The following PODN variants were observed in gnomAD, a reference collection of about 807,000 sequenced individuals.
PODN encodes podocan proteoglycan.
PODN carries 40 observed loss-of-function variants against 52.7 expected under a neutral mutation model. The observed-to-expected ratio is 0.76, with a 90% CI of 0.59 to 0.99. PODN has a LOEUF of 0.99. PODN is among the 50% of genes least tolerant of loss of function. The pLI is 0.00. For missense variants in PODN, 720 were observed against 815.1 expected (o/e 0.88, Z 1.42); for synonymous variants, 396 against 377.9 (o/e 1.05, Z -0.56).
intron 1 of PODN, 140 bp from the exon 2 acceptor site, chr1:53,069,661 T>C (rs1366117042): frequency 9.5e-6 from 12 of 1,257,086 alleles, no homozygotes; most frequent in Non-Finnish European, 1.2e-5. Context: ...GGCAGCCTGG[T>C]GGGGGTTGGG....
In PODN at chr1:53,082,013, A is replaced by G. The variant is rs1206675977; in HGVS notation, c.1694A>G (p.Asp565Gly). 4 of 1,612,480 alleles carry G rather than the reference A, an allele frequency of 2.5e-6. No individual in the cohort carries two copies. The highest frequency in any genetic ancestry group is 3.4e-6 in the Non-Finnish European group (4 of 1,179,288). The change falls in exon 10 of 11, where the codon GAC becomes GGC. Residue 565 changes from aspartate (D) to glycine (G), a missense_variant. Coordinates refer to ENST00000312553, the MANE Select transcript of PODN (RefSeq NM_153703.5). ...AAGCTGGCTGTGGGCTCCGTGGTGG[A>G]CAGTGCCTTCCGGAGGCTGAAGCAC... ...FNKLAVGSVV[D>G]SAFRRLKHLQ...
At chr1:53,067,244 C>T (rs1179932138) in intron 1 of PODN, among the ~76,000 whole-genome samples, 1 of 152,044 alleles carries the variant, frequency 6.6e-6, no homozygotes, top group African/African-American at 2.4e-5. Flanking sequence ...ACCTGAGTCT[C>T]CATCAACCAT....
chr1:53,071,735 T>G, intron 3 of PODN, 107 bp downstream of exon 3: 1 of 1,149,012 alleles, frequency 8.7e-7, no homozygotes, highest in Non-Finnish European at 1.2e-6. Context: ...GATCTTGGGG[T>G]GTGGATGGAA....
intron 1 of PODN, among the ~76,000 whole-genome samples, chr1:53,063,809 A>G (rs80083500): frequency 0.018 from 2,814 of 152,260 alleles, 98 homozygotes; most frequent in African/African-American, 0.064. Flanking sequence ...GTGTAGTCAT[A>G]CATGCGAGTG....
intron 8 of PODN, among the ~76,000 whole-genome samples, chr1:53,079,627 G>C (rs1286584531): frequency 1.3e-5 from 2 of 152,160 alleles, no homozygotes; most frequent in African/African-American, 2.4e-5. Flanking sequence ...GTGACCACAT[G>C]GTCAGAATTA....
rs1572274117 is a variant in PODN, at chr1:53,078,588, C to T, written c.1078C>T (p.Arg360Trp). 6.2e-6 allele frequency: 10 copies of T among 1,613,068 alleles called. No homozygotes were observed. The highest frequency in any genetic ancestry group is 2.2e-5 in the East Asian group (1 of 44,886). ...CCCACTGGCCTTCCAGGGCCTCAAG[C>T]GGTTGCACACGGTGCACCTGTACAA... is the stretch of plus-strand genomic sequence containing the variant. ...IHPLAFQGLK[R>W]LHTVHLYNNA... is the part of the protein sequence containing the mutation. The change falls in exon 8 of 11, where the codon CGG becomes TGG. Residue 360 changes from arginine to tryptophan, a missense_variant. Coordinates refer to ENST00000312553, the MANE Select transcript of PODN (RefSeq NM_153703.5).
At chr1:53,068,096 T>C (rs74082414) in intron 1 of PODN, among the ~76,000 whole-genome samples, 14,142 of 152,026 alleles carry the variant, frequency 0.093, 1,070 homozygotes, top group African/African-American at 0.21. Context: ...CTATGTGCAG[T>C]ACATGCATTT....
chr1:53,064,816 G>A (rs983545910), intron 1 of PODN, among the ~76,000 whole-genome samples: 8 of 152,206 alleles, frequency 5.3e-5, no homozygotes, highest in Non-Finnish European at 1.0e-4. Flanking sequence ...ACAGAGGCTC[G>A]GAGCAGTAAA....
At position 53,077,778 on chromosome 1, in the gene PODN, G is replaced by T. The variant is rs749720932; in HGVS notation, c.832G>T (p.Gly278Cys). The change falls in exon 7 of 11, where the codon GGC becomes TGC. Residue 278 changes from glycine to cysteine, a missense_variant. Transcript: ENST00000312553. Reference sequence around the variant, plus strand: ...GCAGAACAACTACCTGACTGACGAGGGCCTGGACAACGAGACCTTCTGGTG... The same window carrying T: ...GCAGAACAACTACCTGACTGACGAGTGCCTGGACAACGAGACCTTCTGGTG... The part of the protein sequence containing the change: ...YLQNNYLTDE[G>C]LDNETFWKLS... 3 of 1,613,202 alleles carry T rather than the reference G, an allele frequency of 1.9e-6. No homozygotes were observed. The African/African-American group carries it at 4.0e-5, about 22-fold the overall frequency.
At chr1:53,080,927 C>G (rs765549729) in intron 9 of PODN, 51 bp downstream of exon 9, 1 of 1,600,728 alleles carries the variant, frequency 6.2e-7, no homozygotes. Flanking sequence ...CCCACCCTGG[C>G]TCCAACGGGA....
rs745468596 is a variant in PODN, at chr1:53,077,818, CAG to C, written c.854+19_854+20del. 6.2e-7 allele frequency: 1 copy of C among 1,608,560 alleles called. No homozygotes were observed. The highest frequency in any genetic ancestry group is 8.5e-7 in the Non-Finnish European group (1 of 1,176,584). ...ACCTTCTGGTGAGTCCTTGTCTCAC[CAG>C]GTCCTTGGCGTGACCACGGGGCCCG... is the stretch of plus-strand genomic sequence containing the variant. On this transcript the variant is annotated intron_variant, in intron 7 of 10. Transcript: ENST00000312553.
chr1:53,063,645 T>C lies in PODN; in HGVS notation c.-56+1337T>C, dbSNP rs890867550. 3.3e-6 allele frequency: 3 copies of C among 917,046 alleles called. No individual in the cohort carries two copies. The Admixed American group carries it at 1.9e-4, about 57-fold the overall frequency. 56.8% of individuals were successfully genotyped at this position (917,046 alleles called of 1,614,324 possible). ...GGGTTCTGCTCCCTCATGTCCACTCTTAGGGCCCAAGACCCAGTCTACTCT... is the reference window on the plus strand; with the variant it reads ...GGGTTCTGCTCCCTCATGTCCACTCCTAGGGCCCAAGACCCAGTCTACTCT... On this transcript the variant is annotated intron_variant, in intron 1 of 10. Transcript: ENST00000312553.
intron 1 of PODN, chr1:53,066,896 G>A (rs1644040993): frequency 6.5e-7 from 1 of 1,540,660 alleles, no homozygotes; most frequent in Non-Finnish European, 8.8e-7. Context: ...TGAGACCAGA[G>A]CTCCTTCCCC....
rs577667967 is a variant in PODN, at chr1:53,078,474, C to T, written c.964C>T (p.Arg322Trp). The T allele has an allele frequency of 5.1e-5, 83 of 1,613,396 alleles. No homozygotes were observed. The highest frequency in any genetic ancestry group is 1.6e-4 in the Middle Eastern group (1 of 6,062). The change falls in exon 8 of 11, where the codon CGG (arginine) becomes TGG (tryptophan). Residue 322 changes from arginine to tryptophan, a missense_variant. Transcript: ENST00000312553. ...VLLHLEKNAI[R>W]SVDANVLTPI... ...GCTGCACTTGGAGAAGAACGCCATC[C>T]GGAGCGTGGACGCGAATGTGCTGAC...
intron 8 of PODN, among the ~76,000 whole-genome samples, chr1:53,080,183 G>A (rs1293021029): frequency 6.6e-6 from 1 of 152,178 alleles, no homozygotes; most frequent in Non-Finnish European, 1.5e-5. Flanking sequence ...CCTGGCTGTT[G>A]TGCTGGGGTC....
In PODN at chr1:53,078,658, G is replaced by A. The variant is rs1044638735; in HGVS notation, c.1148G>A (p.Arg383His). ...CCCAGTGGCCTGCCTCGCCGCGTGC[G>A]CACCCTCATGATCCTGCACAACCAG... The part of the protein sequence containing the change: ...RVPSGLPRRV[R>H]TLMILHNQIT... Residue 383 changes from arginine (R) to histidine (H), a missense_variant, in exon 8 of 11, where the codon CGC (arginine) becomes CAC (histidine). Arg to His is a conservative substitution (Grantham distance 29). Coordinates refer to ENST00000312553, the MANE Select transcript of PODN (RefSeq NM_153703.5). 13 of 1,612,956 alleles carry A rather than the reference G, an allele frequency of 8.1e-6. No homozygotes were observed. The highest frequency in any genetic ancestry group is 1.1e-5 in the South Asian group (1 of 91,086).
chr1:53,077,744 G>A lies in PODN; in HGVS notation c.798G>A (p.Glu266=). Residue 266 remains glutamate, a synonymous_variant, in exon 7 of 11, where the codon GAG becomes GAA. Coordinates refer to ENST00000312553, the MANE Select transcript of PODN (RefSeq NM_153703.5). The part of the protein sequence containing the change: ...GAFSELSSLR[E]LYLQNNYLTD... ...TCAGCGAGCTGAGCAGCCTGCGCGAGCTATACCTGCAGAACAACTACCTGA... is the reference window on the plus strand; with the variant it reads ...TCAGCGAGCTGAGCAGCCTGCGCGAACTATACCTGCAGAACAACTACCTGA... 1.2e-6 allele frequency: 2 copies of A among 1,613,794 alleles called. No homozygotes were observed. Among genetic ancestry groups the A allele is most frequent in the South Asian group, 1.1e-5 (1 of 91,066 alleles).
chr1:53,075,719 G>T (rs1644184398), intron 4 of PODN, 143 bp from the exon 5 acceptor site: 1 of 677,520 alleles, frequency 1.5e-6, no homozygotes, highest in Non-Finnish European at 2.6e-6. Flanking sequence ...TTGCAGAGGG[G>T]GTGGGACAAG....
chr1:53,083,333 C>T (rs1553160473), intron 10 of PODN, among the ~76,000 whole-genome samples: 1 of 152,190 alleles, frequency 6.6e-6, no homozygotes, highest in Non-Finnish European at 1.5e-5. Context: ...CCGACACACA[C>T]ATGCATCTTC....
Sources: allele counts gnomAD v4.1 joint callset (sites outside exome capture counted in the v4.1 genomes callset), GRCh38; gene constraint gnomAD v4.1.1; transcripts MANE v1.5; gene names NCBI Gene and HGNC (gene_info 2026-07-23, HGNC 2026-07-21).